DLGAP2: variants seen among roughly 807,000 people sequenced by gnomAD.
DLGAP2 encodes the protein disks large-associated protein 2.
DLGAP2 carries 26 observed loss-of-function variants against 100.3 expected under a neutral mutation model. The ratio of observed to expected loss-of-function variants is 0.26; its 90% confidence interval spans 0.19 to 0.36. The LOEUF (loss-of-function observed/expected upper bound fraction) is 0.36, where lower values mean the gene tolerates loss of function less well. Among genes scored for constraint, DLGAP2 ranks in the 10% least tolerant of loss-of-function variants. DLGAP2 has a pLI of 1.00. For synonymous variants in DLGAP2, 886 were observed against 630.1 expected (o/e 1.41, Z -6.08); for missense variants, 1,858 against 1,453.2 (o/e 1.28, Z -4.53).
chr8:1,145,544 T>G (rs1796591370), intron 2 of DLGAP2, among the ~76,000 whole-genome samples: 2 of 152,232 alleles, frequency 1.3e-5, no homozygotes, highest in Non-Finnish European at 1.5e-5. Flanking sequence ...TCCTGTTTTC[T>G]AGTTTGAAAC....
chr8:1,324,244 C>T (rs1291854320), intron 3 of DLGAP2, among the ~76,000 whole-genome samples: 1 of 152,194 alleles, frequency 6.6e-6, no homozygotes, highest in Non-Finnish European at 1.5e-5. Context: ...CCCATAAGAA[C>T]AGAATGGTGT....
At chr8:1,156,817 T>C (rs980025965) in intron 2 of DLGAP2, among the ~76,000 whole-genome samples, 1 of 152,302 alleles carries the variant, frequency 6.6e-6, no homozygotes. Context: ...GTGGCATTTT[T>C]CATCCAGCTT....
chr8:1,380,755 C>T (rs139554549), intron 3 of DLGAP2, among the ~76,000 whole-genome samples: 407 of 152,132 alleles, frequency 2.7e-3, no homozygotes, highest in African/African-American at 9.2e-3. Context: ...TTGGTATTAA[C>T]TGGGACACAG....
At chr8:1,120,651 C>G (rs1035644006) in intron 2 of DLGAP2, among the ~76,000 whole-genome samples, 4 of 151,688 alleles carry the variant, frequency 2.6e-5, no homozygotes, top group African/African-American at 9.7e-5. Flanking sequence ...GAACTCATGA[C>G]TATAAACCCT....
intron 2 of DLGAP2, among the ~76,000 whole-genome samples, chr8:1,242,388 C>G (rs1798816063): frequency 6.6e-6 from 1 of 152,172 alleles, no homozygotes; most frequent in African/African-American, 2.4e-5. Context: ...TGGGCAAGGC[C>G]CCACATCACC....
In DLGAP2 at chr8:1,704,360, TC is replaced by T. The variant is rs548534394; in HGVS notation, c.*2956del. ...AATGACAGGTGAAACCCAGACACTC[TC>T]CTTAGAGCCGACAGGTTGATCCTGC... On this transcript the variant is annotated 3_prime_UTR_variant, in exon 15 of 15. Coordinates refer to ENST00000637795, the MANE Select transcript of DLGAP2 (RefSeq NM_001346810.2). 153 of 152,276 alleles carry T rather than the reference TC, an allele frequency of 1.0e-3. 1 individual carries two copies. The highest frequency in any genetic ancestry group is 3.5e-3 in the African/African-American group (147 of 41,550). The allele number at this position is 152,276 out of a possible 1,614,324, so 9.4% of individuals were successfully genotyped here. A position where few individuals can be genotyped will look rare whatever the true frequency, so the allele number is the denominator to read the frequency against.
intron 6 of DLGAP2, among the ~76,000 whole-genome samples, chr8:1,579,388 G>A (rs916643841): frequency 2.0e-5 from 3 of 151,940 alleles, no homozygotes; most frequent in African/African-American, 4.8e-5. Flanking sequence ...TGGAGAAGAC[G>A]TATCTGGGCA....
chr8:1,052,513 C>G (rs1802749021), intron 2 of DLGAP2, among the ~76,000 whole-genome samples: 1 of 152,154 alleles, frequency 6.6e-6, no homozygotes, highest in Non-Finnish European at 1.5e-5. Context: ...GGAGGAGTTA[C>G]TATATTCCAG....
At chr8:1,476,021 G>A (rs968372268) in intron 3 of DLGAP2, among the ~76,000 whole-genome samples, 1 of 152,156 alleles carries the variant, frequency 6.6e-6, no homozygotes. Context: ...TTTTGAATAA[G>A]GAAATATGAG....
At chr8:814,941 G>A (rs193145020) in intron 1 of DLGAP2, among the ~76,000 whole-genome samples, 4 of 151,270 alleles carry the variant, frequency 2.6e-5, no homozygotes, top group Admixed American at 6.6e-5. Context: ...AGATATATCT[G>A]AAGAAAACAT....
intron 1 of DLGAP2, among the ~76,000 whole-genome samples, chr8:817,420 C>T (rs755077277): frequency 1.9e-4 from 29 of 152,296 alleles, no homozygotes; most frequent in East Asian, 1.2e-3. Context: ...TTCTCTGCTG[C>T]GTCCTTGATT....
At chr8:1,192,656 C>G (rs1328897783) in intron 2 of DLGAP2, among the ~76,000 whole-genome samples, 3 of 137,152 alleles carry the variant, frequency 2.2e-5, no homozygotes, top group South Asian at 2.5e-4. Flanking sequence ...CTTTATGTAT[C>G]TGGTTTCTTT....
intron 2 of DLGAP2, among the ~76,000 whole-genome samples, chr8:1,242,125 A>G (rs1452572642): frequency 1.3e-5 from 2 of 152,222 alleles, no homozygotes; most frequent in Non-Finnish European, 2.9e-5. Context: ...CAGGAACAGA[A>G]ATCCCATAGC....
At chr8:1,527,092 G>A (rs748499388) in intron 4 of DLGAP2, among the ~76,000 whole-genome samples, 3 of 152,044 alleles carry the variant, frequency 2.0e-5, no homozygotes, top group Non-Finnish European at 2.9e-5. Context: ...AAGCCCACCC[G>A]TTACCACAGC....
At chr8:1,106,817 CACTT>C (rs1804789948) in intron 2 of DLGAP2, among the ~76,000 whole-genome samples, 1 of 152,080 alleles carries the variant, frequency 6.6e-6, no homozygotes, top group Non-Finnish European at 1.5e-5. Flanking sequence ...AGGTGCTTGT[CACTT>C]ACTTGTGAGT....
At chr8:1,155,151 C>A (rs1796758022) in intron 2 of DLGAP2, among the ~76,000 whole-genome samples, 1 of 152,228 alleles carries the variant, frequency 6.6e-6, no homozygotes, top group African/African-American at 2.4e-5. Flanking sequence ...CAGCGGCTGG[C>A]CGGGTCCCGT....
intron 3 of DLGAP2, among the ~76,000 whole-genome samples, chr8:1,310,320 A>G (rs1021521395): frequency 6.6e-6 from 1 of 152,250 alleles, no homozygotes; most frequent in South Asian, 2.1e-4. Flanking sequence ...AGGAGATACA[A>G]TGATTTTAAA....
Position 895,617 on chromosome 8 carries a change from G to A in DLGAP2, c.19-12295G>A, listed in dbSNP as rs138617397. 5.9e-5 allele frequency among the ~76,000 whole-genome samples: 9 copies of A among 152,314 alleles called. 1 individual carries two copies. The East Asian group carries it at 1.7e-3, about 29-fold the overall frequency. ...TGAAATGTTTGGGGCCATTGCAGTG[G>A]GTTTTGAGCAGAATAATGCAGTGTG... On this transcript the variant is annotated intron_variant, in intron 1 of 14. Transcript: ENST00000637795.
At chr8:1,285,400 A>G (rs190306613) in intron 3 of DLGAP2, among the ~76,000 whole-genome samples, 2 of 152,364 alleles carry the variant, frequency 1.3e-5, no homozygotes, top group African/African-American at 4.8e-5. Context: ...ACAAATGAAA[A>G]TAAGACTGTG....
Sources: allele counts gnomAD v4.1 joint callset (sites outside exome capture counted in the v4.1 genomes callset), GRCh38; gene constraint gnomAD v4.1.1; transcripts MANE v1.5; gene names NCBI Gene and HGNC (gene_info 2026-07-23, HGNC 2026-07-21).